The following LINGO2 variants were observed in gnomAD, a reference collection of about 807,000 sequenced individuals.
The protein encoded by LINGO2 is leucine-rich repeat and immunoglobulin-like domain-containing nogo receptor-interacting protein 2.
In LINGO2, 14 loss-of-function variants were observed where a neutral mutation model predicts 30.6. The ratio of observed to expected loss-of-function variants is 0.46; its 90% CI spans 0.30 to 0.72. The LOEUF (loss-of-function observed/expected upper bound fraction) is 0.72, where lower values mean the gene tolerates loss of function less well. Among genes scored for constraint, LINGO2 ranks in the 30% least tolerant of loss-of-function variants. LINGO2 has a pLI of 0.07. For synonymous variants in LINGO2, 317 were observed against 288.5 expected (o/e 1.10, Z -1.00); for missense variants, 729 against 751.7 (o/e 0.97, Z 0.35).
intron 4 of LINGO2, among the ~76,000 whole-genome samples, chr9:28,168,534 T>C (rs936087777): frequency 3.9e-5 from 6 of 152,256 alleles, no homozygotes; most frequent in Admixed American, 6.5e-5. Context: ...TGTTATTGTT[T>C]CATTTATTCT....
chr9:28,860,231 C>T, the LINGO2 span, among the ~76,000 whole-genome samples: 11 of 152,028 alleles, frequency 7.2e-5, no homozygotes. Context: ...CGTGACTGCA[C>T]CATAGTGCCC....
intron 4 of LINGO2, among the ~76,000 whole-genome samples, chr9:28,276,940 G>A (rs974434680): frequency 2.6e-5 from 4 of 152,120 alleles, no homozygotes; most frequent in African/African-American, 9.7e-5. Flanking sequence ...AGTGAAAGGA[G>A]GTGCCATGTT....
the LINGO2 span, among the ~76,000 whole-genome samples, chr9:28,966,722 G>C: frequency 6.6e-6 from 1 of 152,082 alleles, no homozygotes; most frequent in East Asian, 1.9e-4. Context: ...CGCCTCCCAT[G>C]AAAGAGTTTA....
Position 28,121,237 on chromosome 9 carries a change from T to A in LINGO2, c.-86-108832A>T, listed in dbSNP as rs993587755. 4.2e-4 allele frequency among the ~76,000 whole-genome samples: 50 copies of A among 118,086 alleles called. 1 individual carries two copies. The highest frequency in any genetic ancestry group is 1.6e-3 in the African/African-American group (46 of 29,014). 77.5% of individuals were successfully genotyped at this position (118,086 alleles called of 152,430 possible). ...TATATGCTGTTTCTCAGTGCAGAGG[T>A]TTTTTTTACTAACGGCACATGGATT... On this transcript the variant is annotated intron_variant, in intron 4 of 5. Coordinates refer to ENST00000379992, the Ensembl canonical transcript of LINGO2.
intron 1 of LINGO2, among the ~76,000 whole-genome samples, chr9:28,591,381 T>G (rs1259135314): frequency 1.3e-5 from 2 of 152,026 alleles, no homozygotes; most frequent in African/African-American, 4.8e-5. Context: ...CTTGACAATC[T>G]ACATTTGTAG....
chr9:28,294,643 G>A (rs893256538), intron 4 of LINGO2, among the ~76,000 whole-genome samples: 3 of 152,152 alleles, frequency 2.0e-5, no homozygotes, highest in African/African-American at 7.2e-5. Context: ...TTGAATAAGA[G>A]TGCAATGTTT....
the LINGO2 span, among the ~76,000 whole-genome samples, chr9:28,842,615 G>T: frequency 6.6e-6 from 1 of 151,860 alleles, no homozygotes; most frequent in Non-Finnish European, 1.5e-5. Flanking sequence ...TCTAAAGCAT[G>T]CCAGGAATAC....
chr9:29,043,621 C>T, the LINGO2 span, among the ~76,000 whole-genome samples: 3 of 151,902 alleles, frequency 2.0e-5, no homozygotes, highest in East Asian at 3.9e-4. Context: ...TGCCTGCCTG[C>T]CACTTATGAA....
chr9:28,056,650 C>G (rs988180257), intron 4 of LINGO2, among the ~76,000 whole-genome samples: 1 of 152,130 alleles, frequency 6.6e-6, no homozygotes, highest in African/African-American at 2.4e-5. Context: ...ATCTGCAGCT[C>G]TAAGAATGAT....
In LINGO2 at chr9:28,014,933, A is replaced by G. The variant is rs919434528; in HGVS notation, c.-86-2528T>C. Among the ~76,000 whole-genome samples the G allele has an allele frequency of 1.4e-4, 22 of 152,318 alleles. 1 individual carries two copies. The highest frequency in any genetic ancestry group is 5.3e-4 in the African/African-American group (22 of 41,590). On this transcript the variant is annotated intron_variant, in intron 4 of 5. Transcript: ENST00000379992. The stretch of plus-strand genomic sequence containing the variant: ...TAAATTCCATCAAATTATTACATGA[A>G]TCATTAACATACCTCTAGTGCTTCA...
chr9:29,027,373 TG>T, the LINGO2 span, among the ~76,000 whole-genome samples: 32 of 152,334 alleles, frequency 2.1e-4, no homozygotes, highest in African/African-American at 7.0e-4. Context: ...AGTCTCGCAT[TG>T]TTGCTCAGGC....
intron 4 of LINGO2, among the ~76,000 whole-genome samples, chr9:28,189,656 GAA>G (rs1491212978): frequency 8.5e-5 from 9 of 106,026 alleles, no homozygotes; most frequent in Non-Finnish European, 1.4e-4. Context: ...AGGGAGGAAG[GAA>G]GGAAGGAAGG....
the LINGO2 span, among the ~76,000 whole-genome samples, chr9:28,816,323 G>T: frequency 6.6e-6 from 1 of 152,164 alleles, no homozygotes; most frequent in African/African-American, 2.4e-5. Context: ...TTTGCCAGGG[G>T]CAGCAGCCTG....
At chr9:28,011,123 T>C (rs1822532001) in intron 5 of LINGO2, among the ~76,000 whole-genome samples, 1 of 152,132 alleles carries the variant, frequency 6.6e-6, no homozygotes, top group Non-Finnish European at 1.5e-5. Context: ...GGAAAGGGGA[T>C]GTGAGTAGAG....
the LINGO2 span, among the ~76,000 whole-genome samples, chr9:28,974,890 C>T: frequency 6.6e-6 from 1 of 151,908 alleles, no homozygotes; most frequent in South Asian, 2.1e-4. Flanking sequence ...TAGTGAATAA[C>T]GGAGCCAGAA....
chr9:29,054,424 A>G, the LINGO2 span, among the ~76,000 whole-genome samples: 1 of 152,170 alleles, frequency 6.6e-6, no homozygotes, highest in Non-Finnish European at 1.5e-5. Flanking sequence ...TGGATTTTGT[A>G]TGCACTTTGG....
intron 4 of LINGO2, among the ~76,000 whole-genome samples, chr9:28,093,879 C>A (rs924660389): frequency 1.3e-5 from 2 of 151,876 alleles, no homozygotes; most frequent in Non-Finnish European, 2.9e-5. Flanking sequence ...GACAACCATG[C>A]AAAATTTTGG....
chr9:28,305,894 C>G (rs1405301561), intron 3 of LINGO2, among the ~76,000 whole-genome samples: 2 of 152,044 alleles, frequency 1.3e-5, no homozygotes, highest in African/African-American at 4.8e-5. Flanking sequence ...TTAAGAGATA[C>G]ACTTGACTCT....
At chr9:28,303,703 G>A (rs922081124) in intron 3 of LINGO2, among the ~76,000 whole-genome samples, 5 of 151,954 alleles carry the variant, frequency 3.3e-5, no homozygotes, top group South Asian at 2.1e-4. Context: ...GAAGAAAAAG[G>A]TATTTACTCT....
Sources: allele counts gnomAD v4.1 joint callset (sites outside exome capture counted in the v4.1 genomes callset), GRCh38; gene constraint gnomAD v4.1.1; transcripts MANE v1.5; gene names NCBI Gene and HGNC (gene_info 2026-07-23, HGNC 2026-07-21).